MEGF8: variants seen among roughly 807,000 people sequenced by gnomAD.
MEGF8 encodes multiple EGF like domains 8.
A neutral mutation model predicts 302.9 loss-of-function variants in MEGF8; 156 were observed. The ratio of observed to expected loss-of-function variants is 0.52; its 90% confidence interval spans 0.45 to 0.59. The LOEUF (loss-of-function observed/expected upper bound fraction) is 0.59, where lower values mean the gene tolerates loss of function less well. Among genes scored for constraint, MEGF8 ranks in the 20% least tolerant of loss-of-function variants. MEGF8 has a pLI of 0.00. For missense variants in MEGF8, 3,345 were observed against 3,964.5 expected, an observed-to-expected ratio of 0.84 and a Z score of 4.20; for synonymous variants, 1,621 against 1,660.5, an observed-to-expected ratio of 0.98 and a Z score of 0.58.
At chr19:42,355,614 G>A (rs1483458431) in intron 23 of MEGF8, 144 bp from the exon 24 acceptor site, 11 of 1,205,820 alleles carry the variant, frequency 9.1e-6, no homozygotes, top group Non-Finnish European at 1.1e-5. Flanking sequence ...GGGAGGGGGT[G>A]CAGAATGGTT....
chr19:42,341,593 C>T lies in MEGF8; in HGVS notation c.1514-1884C>T, dbSNP rs190778315. Reference sequence around the variant, plus strand: ...CTGTGACCATAGGCACACAATACCACGCCTGGCTAATTAAATAAAATATTT... The same window carrying T: ...CTGTGACCATAGGCACACAATACCATGCCTGGCTAATTAAATAAAATATTT... On this transcript the variant is annotated intron_variant, in intron 8 of 41. Coordinates refer to ENST00000251268, the MANE Select transcript of MEGF8 (RefSeq NM_001271938.2). 2.4e-4 allele frequency among the ~76,000 whole-genome samples: 37 copies of T among 152,206 alleles called. No individual in the cohort carries two copies. The East Asian group carries it at 4.6e-3, about 19-fold the overall frequency.
In MEGF8 at chr19:42,371,416, T is replaced by A; in HGVS notation, c.7203T>A (p.Asn2401Lys). The A allele has an allele frequency of 6.2e-7, 1 of 1,613,876 alleles. No individual in the cohort carries two copies. Among genetic ancestry groups the A allele is most frequent in the East Asian group, 2.2e-5 (1 of 44,874 alleles). The part of the protein sequence containing the change: ...EQDGTGCPCQ[N>K]NTETGTCQGS... Reference sequence around the variant, plus strand: ...ATGGGACGGGCTGTCCATGTCAGAATAACACAGAGACGGGCACATGCCAGG... The same window carrying A: ...ATGGGACGGGCTGTCCATGTCAGAAAAACACAGAGACGGGCACATGCCAGG... Residue 2401 changes from asparagine to lysine, a missense_variant, in exon 41 of 42, where the codon AAT (asparagine) becomes AAA (lysine). Asn to Lys is a moderately conservative substitution (Grantham distance 94). Transcript: ENST00000251268.
In MEGF8 at chr19:42,378,092, C is replaced by A. The variant is rs1225714523; in HGVS notation, c.*1317C>A. On this transcript the variant is annotated 3_prime_UTR_variant, in exon 42 of 42. Transcript: ENST00000251268. ...AGAGTCTGGTTCTTGACATGAGATG[C>A]CCTTCAGACATCTCTTCACTCAGGT... 3 of 152,060 alleles carry A rather than the reference C, an allele frequency of 2.0e-5. No individual in the cohort carries two copies. Among genetic ancestry groups the A allele is most frequent in the African/African-American group, 7.3e-5 (3 of 41,358 alleles). 9.4% of individuals were successfully genotyped at this position (152,060 alleles called of 1,614,324 possible).
rs1171162885 is a variant in MEGF8 at position 42,350,309 on chromosome 19, T to C, written c.2661T>C (p.Gly887=). The change falls in exon 15 of 42, where the codon GGT becomes GGC. Residue 887 remains glycine (G), a synonymous_variant. Transcript: ENST00000251268. ...CCCATTGCGGGGATGACGGGGCTGG[T>C]GGGTCCCTGCTGGTGCTGGTGCCTA... ...GGAHCGDDGA[G]GSLLVLVPTL... The C allele has an allele frequency of 1.2e-6, 2 of 1,608,438 alleles. No homozygotes were observed. Among genetic ancestry groups the C allele is most frequent in the Admixed American group, 3.3e-5 (2 of 59,964 alleles).
chr19:42,375,604 C>T lies in MEGF8; in HGVS notation c.7367C>T (p.Thr2456Met), dbSNP rs757470081. The change falls in exon 42 of 42, where the codon ACG (threonine) becomes ATG (methionine). Residue 2456 changes from threonine to methionine, a missense_variant. Transcript: ENST00000251268. This position sits in a 1 kb window ranked among gnomAD's most constrained non-coding sequence, Gnocchi z 7.1. ...SVEQECCLDP[T>M]SQTNCFHEPK... ...GAGCAGGAGTGCTGCCTGGACCCCA[C>T]GTCCCAGACCAACTGCTTCCATGAG... 16 of 1,604,592 alleles carry T rather than the reference C, an allele frequency of 1.0e-5. No homozygotes were observed. Among genetic ancestry groups the T allele is most frequent in the South Asian group, 5.6e-5 (5 of 88,964 alleles).
At chr19:42,334,671 A>T (rs2039100937) in intron 3 of MEGF8, among the ~76,000 whole-genome samples, 1 of 152,044 alleles carries the variant, frequency 6.6e-6, no homozygotes, top group Non-Finnish European at 1.5e-5. Flanking sequence ...TCCAGGCTGA[A>T]TGTCAACTAC....
Position 42,368,908 on chromosome 19 carries a change from G to A in MEGF8, c.6547G>A (p.Ala2183Thr). Residue 2183 changes from alanine to threonine, a missense_variant, in exon 37 of 42, where the codon GCA (alanine) becomes ACA (threonine). By Grantham distance (58) the Ala-to-Thr change is moderately conservative. Transcript: ENST00000251268. The surrounding 1 kb of genome is among the most constrained non-coding windows in gnomAD (Gnocchi z 4.9). ...FLSCPPEDEC[A>T]NGHHDCNETQ... The stretch of plus-strand genomic sequence containing the variant: ...GTCCTGCCCCCCTGAGGACGAGTGT[G>A]CAAACGGGCACCACGACTGCAACGA... The A allele has an allele frequency of 6.2e-7, 1 of 1,613,902 alleles. No individual in the cohort carries two copies. Among genetic ancestry groups the A allele is most frequent in the Non-Finnish European group, 8.5e-7 (1 of 1,179,890 alleles).
intron 12 of MEGF8, among the ~76,000 whole-genome samples, chr19:42,345,435 C>A (rs774591077): frequency 2.0e-5 from 3 of 152,208 alleles, no homozygotes; most frequent in African/African-American, 4.8e-5. Flanking sequence ...ACTAAGTAGT[C>A]ACTCTCTATT....
chr19:42,335,471 G>A lies in MEGF8; in HGVS notation c.828+86G>A, dbSNP rs186971103. 7.4e-5 allele frequency: 90 copies of A among 1,215,140 alleles called. No homozygotes were observed. In the Admixed American group the frequency reaches 1.7e-3, roughly 23 times the overall value. 75.3% of individuals were successfully genotyped at this position (1,215,140 alleles called of 1,614,324 possible). Reference sequence around the variant, plus strand: ...CCCCGGAATGATCCCCTATCACCTAGTGCTCCCACAGTTCCTGCAGCTTGA... The same window carrying A: ...CCCCGGAATGATCCCCTATCACCTAATGCTCCCACAGTTCCTGCAGCTTGA... On this transcript the variant is annotated intron_variant, in intron 5 of 41. Coordinates refer to ENST00000251268, the MANE Select transcript of MEGF8 (RefSeq NM_001271938.2).
Position 42,376,860 on chromosome 19 carries a change from G to C in MEGF8, c.*85G>C. On this transcript the variant is annotated 3_prime_UTR_variant, in exon 42 of 42. Transcript: ENST00000251268. The surrounding 1 kb of genome is among the most constrained non-coding windows in gnomAD (Gnocchi z 8.2). ...GGGTCCCTCCACCTGGGGGCCCCTGGACACTGTCTACTTGGAGACCACTGG... is the reference window on the plus strand; with the variant it reads ...GGGTCCCTCCACCTGGGGGCCCCTGCACACTGTCTACTTGGAGACCACTGG... The C allele has an allele frequency of 7.2e-7, 1 of 1,380,054 alleles. No homozygotes were observed. The highest frequency in any genetic ancestry group is 9.4e-7 in the Non-Finnish European group (1 of 1,062,898). The allele number at this position is 1,380,054 out of a possible 1,614,324, so 85.5% of individuals were successfully genotyped here. A position where few individuals can be genotyped will look rare whatever the true frequency, so the allele number is the denominator to read the frequency against.
At position 42,358,563 on chromosome 19, in the gene MEGF8, C is replaced by G. The variant is rs756129794; in HGVS notation, c.5176-224C>G. Among the ~76,000 whole-genome samples the G allele has an allele frequency of 2.6e-4, 40 of 152,238 alleles. No individual in the cohort carries two copies. The highest frequency in any genetic ancestry group is 5.1e-4 in the Non-Finnish European group (35 of 68,044). ...GGTGCGGCCCTGGCAGGCCCCTTCC[C>G]CGTCCTGGGTTTTTCCACTCGTATA... is the stretch of plus-strand genomic sequence containing the variant. On this transcript the variant is annotated intron_variant, in intron 29 of 41. Coordinates refer to ENST00000251268, the MANE Select transcript of MEGF8 (RefSeq NM_001271938.2). The surrounding 1 kb of genome is among the most constrained non-coding windows in gnomAD (Gnocchi z 4.4).
rs1405564743 is a variant in MEGF8, at chr19:42,358,205, G to T, written c.5073G>T (p.Gly1691=). The part of the protein sequence containing the change: ...EATDSLYVFG[G]FRFHVELAAP... Reference sequence around the variant, plus strand: ...CCGACTCCCTCTACGTGTTTGGGGGGTTCCGATTCCATGTGGAGCTGGCGG... The same window carrying T: ...CCGACTCCCTCTACGTGTTTGGGGGTTTCCGATTCCATGTGGAGCTGGCGG... The change falls in exon 29 of 42, where the codon GGG becomes GGT. Residue 1691 remains glycine (G), a synonymous_variant. Transcript: ENST00000251268. The surrounding 1 kb of genome is among the most constrained non-coding windows in gnomAD (Gnocchi z 4.4). The T allele has an allele frequency of 1.9e-6, 3 of 1,603,624 alleles. No homozygotes were observed. The highest frequency in any genetic ancestry group is 1.7e-5 in the Admixed American group (1 of 58,654).
Position 42,335,359 on chromosome 19 carries a change from G to A in MEGF8, c.802G>A (p.Glu268Lys), listed in dbSNP as rs757420208. The change falls in exon 5 of 42, where the codon GAG becomes AAG. Residue 268 changes from glutamate to lysine, a missense_variant. Coordinates refer to ENST00000251268, the MANE Select transcript of MEGF8 (RefSeq NM_001271938.2). Reference sequence around the variant, plus strand: ...ATACAACTTCTCCGCCAACACCTGGGAGTCTTGGGACCTGAGTCCTGCCCC... The same window carrying A: ...ATACAACTTCTCCGCCAACACCTGGAAGTCTTGGGACCTGAGTCCTGCCCC... ...VLYNFSANTW[E>K]SWDLSPAPAA... 1.2e-6 allele frequency: 2 copies of A among 1,613,994 alleles called. No individual in the cohort carries two copies. The highest frequency in any genetic ancestry group is 1.7e-6 in the Non-Finnish European group (2 of 1,179,888).
chr19:42,350,414 A>G, intron 15 of MEGF8, 30 bp downstream of exon 15: 9 of 1,469,484 alleles, frequency 6.1e-6, no homozygotes, highest in Non-Finnish European at 7.2e-6. Flanking sequence ...GGGAGGTCAC[A>G]AGGTGGAGGG....
chr19:42,352,834 G>A lies in MEGF8; in HGVS notation c.3351-94G>A. 3 of 954,326 alleles carry A rather than the reference G, an allele frequency of 3.1e-6. No homozygotes were observed. The highest frequency in any genetic ancestry group is 3.2e-6 in the Non-Finnish European group (2 of 627,428). 59.1% of individuals were successfully genotyped at this position (954,326 alleles called of 1,614,324 possible). A position where few individuals can be genotyped will look rare whatever the true frequency, so the allele number is the denominator to read the frequency against. Reference sequence around the variant, plus strand: ...CCCAAAACCATGGAAACAGCCAGTGGCTTTGATGGTGTCATGGTGGGTGGA... The same window carrying A: ...CCCAAAACCATGGAAACAGCCAGTGACTTTGATGGTGTCATGGTGGGTGGA... On this transcript the variant is annotated intron_variant, in intron 19 of 41. Coordinates refer to ENST00000251268, the MANE Select transcript of MEGF8 (RefSeq NM_001271938.2). The surrounding 1 kb of genome is among the most constrained non-coding windows in gnomAD (Gnocchi z 4.4).
In MEGF8 at chr19:42,370,320, C is replaced by T. The variant is rs754666704; in HGVS notation, c.6966C>T (p.Ser2322=). 13 of 1,604,546 alleles carry T rather than the reference C, an allele frequency of 8.1e-6. No individual in the cohort carries two copies. In the East Asian group the frequency reaches 2.5e-4, roughly 30 times the overall value. Reference sequence around the variant, plus strand: ...TCTCCAGGAAGGAGTTACAAATGTCCAAGGGAGAGCCAAAGAAGTACTCAC... The same window carrying T: ...TCTCCAGGAAGGAGTTACAAATGTCTAAGGGAGAGCCAAAGAAGTACTCAC... ...ICISRKELQM[S]KGEPKKYSLD... The change falls in exon 39 of 42, where the codon TCC becomes TCT. Residue 2322 remains serine (S), a synonymous_variant. Coordinates refer to ENST00000251268, the MANE Select transcript of MEGF8 (RefSeq NM_001271938.2).
chr19:42,342,237 G>A (rs1261415083), intron 8 of MEGF8, among the ~76,000 whole-genome samples: 5 of 152,324 alleles, frequency 3.3e-5, no homozygotes, highest in Admixed American at 3.3e-4. Flanking sequence ...TACAGTGCAC[G>A]CAGGTCAGTA....
chr19:42,334,960 TC>T, intron 3 of MEGF8, 74 bp from the exon 4 acceptor site: 2 of 1,440,470 alleles, frequency 1.4e-6, no homozygotes, highest in Non-Finnish European at 1.9e-6. Flanking sequence ...CCTCTTTTCC[TC>T]TCTGTGTCTC....
At chr19:42,374,470 CAAA>C (rs58700897) in intron 41 of MEGF8, among the ~76,000 whole-genome samples, 4 of 56,272 alleles carry the variant, frequency 7.1e-5, no homozygotes, top group African/African-American at 5.6e-5. Flanking sequence ...GACTCTGTCT[CAAA>C]AAAAAAAAAA....
Sources: allele counts gnomAD v4.1 joint callset (sites outside exome capture counted in the v4.1 genomes callset), GRCh38; gene constraint gnomAD v4.1.1; non-coding constraint Gnocchi (gnomAD v3.1); transcripts MANE v1.5; gene names NCBI Gene and HGNC (gene_info 2026-07-23, HGNC 2026-07-21).